The following PIGN variants were observed in gnomAD, a reference collection of about 807,000 sequenced individuals.
PIGN encodes the protein phosphatidylinositol glycan anchor biosynthesis class N, also known as GPI ethanolamine phosphate transferase 1.
Under a neutral mutation model 125.4 loss-of-function variants are expected in PIGN, and 117 were observed. The ratio of observed to expected loss-of-function variants is 0.93; its 90% CI spans 0.80 to 1.09. The LOEUF (loss-of-function observed/expected upper bound fraction) is 1.09, where lower values mean the gene tolerates loss of function less well. Ranked by LOEUF, PIGN falls within the 50% of genes least tolerant of loss-of-function variation. The pLI is 0.00. For synonymous variants in PIGN, 392 were observed against 377.8 expected, an observed-to-expected ratio of 1.04 and a Z score of -0.44; for missense variants, 1,075 against 1,094.9, an observed-to-expected ratio of 0.98 and a Z score of 0.26.
At chr18:62,090,601 A>T (rs748256332) in intron 23 of PIGN, 23 bp from the exon 24 acceptor site, 1 of 1,400,478 alleles carries the variant, frequency 7.1e-7, no homozygotes. Context: ...GAAAGGTAGA[A>T]ATGAAAAGAA....
At position 62,101,077 on chromosome 18, in the gene PIGN, A is replaced by C; in HGVS notation, c.2075T>G (p.Leu692Ter). Residue 692 changes from leucine to a stop codon, truncating the protein, a stop_gained and splice_region_variant, in exon 22 of 31, where the codon TTA becomes TGA. Transcript: ENST00000640252. LOFTEE classifies it high-confidence loss of function. ...ACCTGGTTTGAGTGGCCTCTTACCT[A>C]ATGTTGCCCAGCTAATAATTTGATT... is the stretch of plus-strand genomic sequence containing the variant. The part of the protein sequence containing the change: ...LMNQIISWAT[L>*]ASSLVVPLLS... The C allele has an allele frequency of 6.3e-7, 1 of 1,575,338 alleles. No individual in the cohort carries two copies. The highest frequency in any genetic ancestry group is 8.7e-7 in the Non-Finnish European group (1 of 1,144,608).
chr18:62,118,080 T>C (rs2035157845), intron 14 of PIGN, among the ~76,000 whole-genome samples: 1 of 152,060 alleles, frequency 6.6e-6, no homozygotes, highest in Non-Finnish European at 1.5e-5. Flanking sequence ...TGATTTCCTT[T>C]CTTTTGGATA....
At chr18:62,141,356 G>A (rs1473786512) in intron 11 of PIGN, among the ~76,000 whole-genome samples, 1 of 152,226 alleles carries the variant, frequency 6.6e-6, no homozygotes, top group Non-Finnish European at 1.5e-5. Context: ...CTGTGATAAT[G>A]GTAGCTACAA....
Position 62,095,939 on chromosome 18 carries a change from CCAAGGAAGAGGCTG to C in PIGN, c.2078-3_2088del, listed in dbSNP as rs2034164570. On this transcript the variant is annotated splice_acceptor_variant and splice_polypyrimidine_tract_variant and coding_sequence_variant and intron_variant, in exon 23 of 31. Coordinates refer to ENST00000640252, the MANE Select transcript of PIGN (RefSeq NM_176787.5). LOFTEE classifies it high-confidence loss of function. ...ACTGGAGAACTCAGTAGTGGCACAA[CCAAGGAAGAGGCTG>C]CAATGAAACAGAACAGGTCATCTGT... 6.2e-7 allele frequency: 1 copy of C among 1,608,872 alleles called. No homozygotes were observed. Among genetic ancestry groups the C allele is most frequent in the Non-Finnish European group, 8.5e-7 (1 of 1,175,786 alleles).
intron 1 of PIGN, among the ~76,000 whole-genome samples, chr18:62,179,706 C>G (rs939221969): frequency 1.3e-5 from 2 of 152,118 alleles, no homozygotes; most frequent in Non-Finnish European, 2.9e-5. Flanking sequence ...GAGATCACGC[C>G]ACTGCACTCC....
chr18:62,056,366 T>C (rs1210336789), intron 30 of PIGN, among the ~76,000 whole-genome samples: 2 of 152,016 alleles, frequency 1.3e-5, no homozygotes, highest in Non-Finnish European at 2.9e-5. Flanking sequence ...TTTAAACTTA[T>C]AAGCACAAAT....
intron 23 of PIGN, among the ~76,000 whole-genome samples, chr18:62,094,448 C>T (rs1431023299): frequency 5.9e-5 from 9 of 152,132 alleles, no homozygotes; most frequent in Admixed American, 5.9e-4. Flanking sequence ...CTTAATAAAA[C>T]TCACAAGTCT....
Position 62,107,057 on chromosome 18 carries a change from A to G in PIGN, c.1603T>C (p.Ser535Pro), listed in dbSNP as rs906768360. 3.2e-6 allele frequency: 5 copies of G among 1,587,152 alleles called. No homozygotes were observed. The East Asian group carries it at 1.1e-4, about 36-fold the overall frequency. The change falls in exon 18 of 31, where the codon TCA (serine) becomes CCA (proline). Residue 535 changes from serine (S) to proline (P), a missense_variant. Transcript: ENST00000640252. The part of the protein sequence containing the change: ...EFQVIQDLVV[S>P]VLTYPLSHFV... ...TGGCTCAGAGGATAGGTCAACACTG[A>G]TACAACAAGGTCCTGAATAACTTGA...
At chr18:62,132,615 G>A (rs2035779593) in intron 14 of PIGN, among the ~76,000 whole-genome samples, 1 of 152,040 alleles carries the variant, frequency 6.6e-6, no homozygotes. Flanking sequence ...GCCAAGGCAG[G>A]CAGACCGCTT....
chr18:62,119,873 AG>A (rs1302431344), intron 14 of PIGN, among the ~76,000 whole-genome samples: 2 of 151,734 alleles, frequency 1.3e-5, no homozygotes, highest in African/African-American at 4.8e-5. Flanking sequence ...AGAAAGAAAA[AG>A]AAAAAAGAAA....
rs117147720 is a variant in PIGN, at chr18:62,068,207, C to A, written c.2672+4466G>T. 9.7e-3 allele frequency among the ~76,000 whole-genome samples: 1,484 copies of A among 152,254 alleles called. 46 individuals carry two copies. Among genetic ancestry groups the A allele is most frequent in the East Asian group, 0.069 (358 of 5,176 alleles). ...CATGGGGATGAAGGAAGGAGACGGG[C>A]TATGGAGAGCCTGTTGATATCATCA... On this transcript the variant is annotated intron_variant, in intron 30 of 30. Coordinates refer to ENST00000640252, the MANE Select transcript of PIGN (RefSeq NM_176787.5).
At position 62,169,438 on chromosome 18, in the gene PIGN, C is replaced by T. The variant is rs549580500; in HGVS notation, c.-235-5782G>A. Among the ~76,000 whole-genome samples the T allele has an allele frequency of 4.6e-5, 7 of 151,478 alleles. No homozygotes were observed. In the East Asian group the frequency reaches 1.2e-3, roughly 25 times the overall value. On this transcript the variant is annotated intron_variant, in intron 1 of 30. Coordinates refer to ENST00000640252, the MANE Select transcript of PIGN (RefSeq NM_176787.5). ...AATCACGTAACAGCTTATGTATGGG[C>T]GTGTGCTTTCATTTCTTCTTCTTAT...
intron 1 of PIGN, among the ~76,000 whole-genome samples, chr18:62,173,976 G>A (rs1170023042): frequency 6.6e-6 from 1 of 152,118 alleles, no homozygotes; most frequent in Non-Finnish European, 1.5e-5. Flanking sequence ...AGCACTTTGG[G>A]AGGCCAAGGA....
At chr18:62,104,601 T>C (rs756921107) in intron 20 of PIGN, among the ~76,000 whole-genome samples, 1 of 152,170 alleles carries the variant, frequency 6.6e-6, no homozygotes, top group Non-Finnish European at 1.5e-5. Context: ...TAAAGTGACT[T>C]CCTGGGATAT....
At chr18:62,159,243 C>T (rs1480783536) in intron 4 of PIGN, among the ~76,000 whole-genome samples, 1 of 152,138 alleles carries the variant, frequency 6.6e-6, no homozygotes, top group African/African-American at 2.4e-5. Flanking sequence ...GACTCCCTCT[C>T]AAAACAAATA....
intron 1 of PIGN, among the ~76,000 whole-genome samples, chr18:62,176,163 TTA>T (rs2037518376): frequency 6.6e-6 from 1 of 152,140 alleles, no homozygotes; most frequent in Non-Finnish European, 1.5e-5. Context: ...TTCTCTAACA[TTA>T]TGTTAGAGAG....
At chr18:62,036,109 C>G (rs551257477) in intron 23 of PIGN, among the ~76,000 whole-genome samples, 1 of 152,352 alleles carries the variant, frequency 6.6e-6, no homozygotes, top group African/African-American at 2.4e-5. Context: ...AACATCAGCT[C>G]CACTGAGGTT....
chr18:62,164,798 T>C (rs534603081), intron 1 of PIGN, among the ~76,000 whole-genome samples: 132 of 152,298 alleles, frequency 8.7e-4, no homozygotes, highest in African/African-American at 3.1e-3. Context: ...GAGCAGATTG[T>C]AGTGGGTAAA....
At chr18:62,019,313 G>T (rs1194537348) in intron 23 of PIGN, among the ~76,000 whole-genome samples, 1 of 152,210 alleles carries the variant, frequency 6.6e-6, no homozygotes, top group African/African-American at 2.4e-5. Context: ...TCCACTATTT[G>T]CCAGAGATGG....
Sources: gnomAD v4.1 joint callset for allele counts (sites outside exome capture counted in the v4.1 genomes callset) on GRCh38, gnomAD v4.1.1 for gene constraint, MANE v1.5 for transcripts, NCBI Gene and HGNC (gene_info 2026-07-23, HGNC 2026-07-21) for gene names.